The following WWC2 variants were observed in gnomAD, a reference collection of about 807,000 sequenced individuals.
WWC2 encodes WW and C2 domain containing 2, also known as protein WWC2.
In WWC2, 101 loss-of-function variants were observed where a neutral mutation model predicts 138.5. The ratio of observed to expected loss-of-function variants is 0.73; its 90% CI spans 0.62 to 0.86. The LOEUF (loss-of-function observed/expected upper bound fraction) is 0.86. Ranked by LOEUF, WWC2 falls within the 40% of genes least tolerant of loss-of-function variation. WWC2 has a pLI of 0.00. For missense variants in WWC2, 1,420 were observed against 1,419.4 expected (o/e 1.00, Z -0.01); for synonymous variants, 558 against 538.4 (o/e 1.04, Z -0.50).
intron 1 of WWC2, among the ~76,000 whole-genome samples, chr4:183,144,516 T>C (rs1026734594): frequency 2.6e-5 from 4 of 152,190 alleles, no homozygotes; most frequent in African/African-American, 9.6e-5. Flanking sequence ...AAATGTACTA[T>C]GGTGAAGAAA....
At chr4:183,286,145 T>G in intron 20 of WWC2, 86 bp downstream of exon 20, 1 of 1,243,668 alleles carries the variant, frequency 8.0e-7, no homozygotes, top group East Asian at 2.6e-5. Context: ...AACTACAGAA[T>G]GAATGTCAGT....
intron 4 of WWC2, among the ~76,000 whole-genome samples, chr4:183,219,286 A>G (rs1240632166): frequency 6.6e-6 from 1 of 152,188 alleles, no homozygotes; most frequent in Non-Finnish European, 1.5e-5. Flanking sequence ...TTAATACCAC[A>G]TGATTGTATA....
intron 15 of WWC2, 52 bp from the exon 16 acceptor site, chr4:183,271,027 AT>A (rs1737678642): frequency 1.4e-6 from 2 of 1,410,920 alleles, no homozygotes; most frequent in East Asian, 5.2e-5. Context: ...TAATTTAAAC[AT>A]TTTATTTTCT....
At chr4:183,215,823 T>G (rs1735741026) in intron 4 of WWC2, among the ~76,000 whole-genome samples, 1 of 152,200 alleles carries the variant, frequency 6.6e-6, no homozygotes, top group Non-Finnish European at 1.5e-5. Flanking sequence ...TCCTAATTCT[T>G]AAATGCCCTT....
chr4:183,271,441 A>G (rs1460518943), intron 16 of WWC2, among the ~76,000 whole-genome samples, 200 bp downstream of exon 16: 1 of 152,212 alleles, frequency 6.6e-6, no homozygotes, highest in Admixed American at 6.5e-5. Context: ...CTTTGTTTCA[A>G]ATATGGTTTA....
chr4:183,275,911 A>G (rs116410468), intron 16 of WWC2, among the ~76,000 whole-genome samples: 2,707 of 152,188 alleles, frequency 0.018, 74 homozygotes, highest in African/African-American at 0.062. Flanking sequence ...TGTGTGTGGA[A>G]TTTTTTGTTT....
At chr4:183,191,942 T>C (rs1215123902) in intron 1 of WWC2, among the ~76,000 whole-genome samples, 6 of 152,096 alleles carry the variant, frequency 3.9e-5, no homozygotes, top group Non-Finnish European at 7.4e-5. Flanking sequence ...CCCAGGCTGG[T>C]CTTGAACTCC....
In WWC2 at chr4:183,319,413, G is replaced by A. The variant is rs1314691881; in HGVS notation, c.*3684G>A. 4 of 933,882 alleles carry A rather than the reference G, an allele frequency of 4.3e-6. No homozygotes were observed. Among genetic ancestry groups the A allele is most frequent in the Non-Finnish European group, 6.4e-6 (4 of 620,518 alleles). The allele number at this position is 933,882 out of a possible 1,614,324, so 57.8% of individuals were successfully genotyped here. ...AGATAAAAATGGTTTACCAGTCTTGGAAAGAAACTATAGTTTAATAGCCAC... is the reference window on the plus strand; with the variant it reads ...AGATAAAAATGGTTTACCAGTCTTGAAAAGAAACTATAGTTTAATAGCCAC... On this transcript the variant is annotated 3_prime_UTR_variant, in exon 23 of 23. Transcript: ENST00000403733.
Position 183,284,272 on chromosome 4 carries a change from C to T in WWC2, c.2930C>T (p.Ala977Val), listed in dbSNP as rs1383416549. The T allele has an allele frequency of 6.2e-7, 1 of 1,613,990 alleles. No homozygotes were observed. Among genetic ancestry groups the T allele is most frequent in the Non-Finnish European group, 8.5e-7 (1 of 1,179,876 alleles). ...NTDEAANDNM[A>V]VRPKERSSLS... The stretch of plus-strand genomic sequence containing the variant: ...GATGAAGCCGCTAATGACAATATGG[C>T]AGTTCGCCCCAAAGAGCGCAGCAGC... The change falls in exon 19 of 23, where the codon GCA becomes GTA. Residue 977 changes from alanine to valine, a missense_variant. Transcript: ENST00000403733.
chr4:183,312,315 T>G lies in WWC2; in HGVS notation c.3385-26T>G, dbSNP rs923813320. 5 of 1,609,134 alleles carry G rather than the reference T, an allele frequency of 3.1e-6. No homozygotes were observed. The African/African-American group carries it at 6.7e-5, about 22-fold the overall frequency. Reference sequence around the variant, plus strand: ...ATTTCTAATCAGTGTTTTGTGTGTTTCTTACATTTTTATTCCCTTTTCCAG... The same window carrying G: ...ATTTCTAATCAGTGTTTTGTGTGTTGCTTACATTTTTATTCCCTTTTCCAG... On this transcript the variant is annotated intron_variant, in intron 21 of 22. Transcript: ENST00000403733.
In WWC2 at chr4:183,229,617, C is replaced by T. The variant is rs369464156; in HGVS notation, c.523-10566C>T. Among the ~76,000 whole-genome samples the T allele has an allele frequency of 5.3e-5, 8 of 152,106 alleles. No homozygotes were observed. The East Asian group carries it at 1.5e-3, about 29-fold the overall frequency. On this transcript the variant is annotated intron_variant, in intron 4 of 22. Transcript: ENST00000403733. ...TCATTAGATGAGAAGGGCATGTCAC[C>T]TCTGTGGTATTCTTTTCCAGCATCC...
intron 1 of WWC2, among the ~76,000 whole-genome samples, chr4:183,145,295 C>A (rs532581507): frequency 2.1e-4 from 32 of 152,064 alleles, no homozygotes; most frequent in Non-Finnish European, 3.5e-4. Flanking sequence ...AAGAATATTC[C>A]TGGCAATATT....
intron 4 of WWC2, among the ~76,000 whole-genome samples, chr4:183,222,518 A>G (rs984290468): frequency 2.0e-5 from 3 of 152,266 alleles, no homozygotes; most frequent in African/African-American, 7.2e-5. Context: ...TGAAGGATAT[A>G]AACAAATTTT....
chr4:183,275,210 T>C (rs2111390064), intron 16 of WWC2, among the ~76,000 whole-genome samples: 1 of 152,292 alleles, frequency 6.6e-6, no homozygotes, highest in East Asian at 1.9e-4. Flanking sequence ...ATAGTTTTTT[T>C]AGTGGATTCC....
At position 183,271,009 on chromosome 4, in the gene WWC2, A is replaced by G. The variant is rs1001118520; in HGVS notation, c.2401-71A>G. On this transcript the variant is annotated intron_variant, in intron 15 of 22. Transcript: ENST00000403733. ...ATTCAATAATCTTTATTATATCAGA[A>G]CAAATACTAATTTAAACATTTTATT... is the stretch of plus-strand genomic sequence containing the variant. 1.3e-4 allele frequency: 179 copies of G among 1,335,906 alleles called. 1 individual carries two copies. Among genetic ancestry groups the G allele is most frequent in the Non-Finnish European group, 1.7e-4 (172 of 1,015,524 alleles). The allele number at this position is 1,335,906 out of a possible 1,614,324, so 82.8% of individuals were successfully genotyped here.
intron 1 of WWC2, among the ~76,000 whole-genome samples, chr4:183,134,412 AGTAC>A (rs1291229954): frequency 6.6e-6 from 1 of 152,096 alleles, no homozygotes; most frequent in Admixed American, 6.6e-5. Flanking sequence ...AATAAACCTA[AGTAC>A]ATTGTGCTTT....
In WWC2 at chr4:183,315,942, A is replaced by G. The variant is rs914237396; in HGVS notation, c.*213A>G. ...ATATGCTTAAAAAAGAAAAAATCATATAAGAAAGATGGGATAACCTGGTAC... is the reference window on the plus strand; with the variant it reads ...ATATGCTTAAAAAAGAAAAAATCATGTAAGAAAGATGGGATAACCTGGTAC... On this transcript the variant is annotated 3_prime_UTR_variant, in exon 23 of 23. Transcript: ENST00000403733. 13 of 461,864 alleles carry G rather than the reference A, an allele frequency of 2.8e-5. No homozygotes were observed. The highest frequency in any genetic ancestry group is 7.7e-5 in the East Asian group (2 of 25,846). 28.6% of individuals were successfully genotyped at this position (461,864 alleles called of 1,614,324 possible).
chr4:183,135,205 G>A (rs181141513), intron 1 of WWC2, among the ~76,000 whole-genome samples: 4 of 152,102 alleles, frequency 2.6e-5, no homozygotes, highest in Admixed American at 6.5e-5. Flanking sequence ...CGGAGTGAGC[G>A]ACCCCGCCTG....
intron 9 of WWC2, among the ~76,000 whole-genome samples, 157 bp from the exon 10 acceptor site, chr4:183,259,482 C>A (rs11132171): frequency 6.6e-6 from 1 of 151,996 alleles, no homozygotes; most frequent in South Asian, 2.1e-4. Flanking sequence ...TGCAGCTCTG[C>A]CCCCCACACT....
Sources: allele counts gnomAD v4.1 joint callset (sites outside exome capture counted in the v4.1 genomes callset), GRCh38; gene constraint gnomAD v4.1.1; transcripts MANE v1.5; gene names NCBI Gene and HGNC (gene_info 2026-07-23, HGNC 2026-07-21).